Variants in DENND1A observed in about 807,000 individuals in gnomAD.
DENND1A encodes the protein DENN domain containing 1A, also known as DENN domain-containing protein 1A.
A neutral mutation model predicts 113.7 loss-of-function variants in DENND1A; 51 were observed. The observed-to-expected ratio is 0.45, with a 90% confidence interval of 0.36 to 0.57. The LOEUF is 0.57. Ranked by LOEUF, DENND1A falls within the 20% of genes least tolerant of loss-of-function variation. The probability of loss-of-function intolerance (pLI) is 0.00; values close to 1 mark genes in which losing one functional copy is unlikely to be tolerated. For synonymous variants in DENND1A, 565 were observed against 570.8 expected (o/e 0.99, Z 0.14); for missense variants, 1,258 against 1,395.9 (o/e 0.90, Z 1.57).
intron 5 of DENND1A, among the ~76,000 whole-genome samples, chr9:123,750,604 G>C (rs1038472602): frequency 6.6e-6 from 1 of 152,302 alleles, no homozygotes; most frequent in Non-Finnish European, 1.5e-5. Flanking sequence ...ACCATCCAGA[G>C]AATAACAAGA....
At chr9:123,442,287 G>A (rs563631693) in intron 18 of DENND1A, among the ~76,000 whole-genome samples, 75 of 152,298 alleles carry the variant, frequency 4.9e-4, no homozygotes, top group Non-Finnish European at 9.7e-4. Flanking sequence ...GGAGGGCTTG[G>A]ATCAGGTGGC....
At chr9:123,491,018 C>G (rs541543179) in intron 13 of DENND1A, among the ~76,000 whole-genome samples, 1 of 152,312 alleles carries the variant, frequency 6.6e-6, no homozygotes, top group South Asian at 2.1e-4. Context: ...CAATGATAAA[C>G]CAGAGCCTGG....
At chr9:123,870,271 T>C (rs1327643591) in intron 2 of DENND1A, among the ~76,000 whole-genome samples, 2 of 85,592 alleles carry the variant, frequency 2.3e-5, no homozygotes, top group East Asian at 2.3e-4. Context: ...ATTAATCAGC[T>C]TTTTTTTTTT....
chr9:123,414,397 A>T (rs2044554398), intron 19 of DENND1A: 1 of 1,432,912 alleles, frequency 7.0e-7, no homozygotes, highest in Admixed American at 3.0e-5. Context: ...GAGGACTTAA[A>T]AAAATGTCCA....
rs546398875 is a variant in DENND1A at position 123,674,342 on chromosome 9, T to TCACACACACACACA, written c.372+2364_372+2377dup. ...CTCTGTCTCTGTCTCTGTCTCTCTC[T>TCACACACACACACA]CACACACACACACACACACACACAC... On this transcript the variant is annotated intron_variant, in intron 6 of 23. Transcript: ENST00000394215. Among the ~76,000 whole-genome samples, 14 of 132,374 alleles carry TCACACACACACACA rather than the reference T, an allele frequency of 1.1e-4. 1 individual carries two copies. The East Asian group carries it at 1.4e-3, about 13-fold the overall frequency. 86.8% of individuals were successfully genotyped at this position (132,374 alleles called of 152,430 possible). A position where few individuals can be genotyped will look rare whatever the true frequency, so the allele number is the denominator to read the frequency against.
chr9:123,561,413 A>T (rs981939636), intron 12 of DENND1A, among the ~76,000 whole-genome samples: 1 of 152,110 alleles, frequency 6.6e-6, no homozygotes, highest in African/African-American at 2.4e-5. Context: ...ACTTCTGAAG[A>T]CCTCTTGTCA....
intron 13 of DENND1A, among the ~76,000 whole-genome samples, chr9:123,549,803 C>T (rs1424842382): frequency 6.6e-6 from 1 of 152,048 alleles, no homozygotes; most frequent in Non-Finnish European, 1.5e-5. Flanking sequence ...CCTATGTAAA[C>T]CCTTTGCATA....
chr9:123,503,551 A>G (rs2052669383), intron 13 of DENND1A, among the ~76,000 whole-genome samples: 2 of 152,228 alleles, frequency 1.3e-5, no homozygotes, highest in South Asian at 2.1e-4. Flanking sequence ...TCTTGAGCTC[A>G]TCGGACTCAC....
Position 123,557,557 on chromosome 9 carries a change from C to G in DENND1A, c.993+13G>C. The G allele has an allele frequency of 6.2e-7, 1 of 1,613,194 alleles. No homozygotes were observed. The highest frequency in any genetic ancestry group is 8.5e-7 in the Non-Finnish European group (1 of 1,179,648). On this transcript the variant is annotated intron_variant, in intron 13 of 23. Transcript: ENST00000394215. ...ACCAAACACAGGCTCTGTGACATGC[C>G]AAGGCTACTCACCGGCTCGATTTTC... is the stretch of plus-strand genomic sequence containing the variant.
intron 5 of DENND1A, among the ~76,000 whole-genome samples, chr9:123,747,824 G>A (rs117209659): frequency 0.019 from 2,870 of 152,032 alleles, 38 homozygotes; most frequent in Middle Eastern, 0.031. Flanking sequence ...AATAAAATAC[G>A]GAAACGTAAA....
At chr9:123,870,971 AT>A (rs1289864653) in intron 2 of DENND1A, among the ~76,000 whole-genome samples, 2 of 152,208 alleles carry the variant, frequency 1.3e-5, no homozygotes, top group African/African-American at 4.8e-5. Flanking sequence ...CTGAAAAAAA[AT>A]AAGATGAATT....
intron 2 of DENND1A, among the ~76,000 whole-genome samples, chr9:123,838,023 G>A (rs998090251): frequency 1.3e-5 from 2 of 152,202 alleles, no homozygotes; most frequent in African/African-American, 4.8e-5. Context: ...GGCTGTACCA[G>A]AACCAGAATT....
intron 19 of DENND1A, among the ~76,000 whole-genome samples, chr9:123,421,571 A>G (rs1005617117): frequency 2.0e-5 from 3 of 152,040 alleles, no homozygotes; most frequent in Non-Finnish European, 4.4e-5. Context: ...CCTGCATTTC[A>G]CCAGGCCCGT....
At chr9:123,886,512 G>A (rs759629966) in intron 1 of DENND1A, among the ~76,000 whole-genome samples, 11 of 152,164 alleles carry the variant, frequency 7.2e-5, no homozygotes, top group Non-Finnish European at 1.3e-4. Context: ...GAGGTGTACC[G>A]TTTAAAAATT....
intron 19 of DENND1A, chr9:123,413,345 C>T (rs547259462): frequency 2.3e-6 from 2 of 869,348 alleles, no homozygotes; most frequent in South Asian, 1.1e-4. Flanking sequence ...TCAATTTCAC[C>T]TGTTTATGTT....
chr9:123,485,620 G>GTGTGTGTGTGTGCGCCCA (rs1491010557), intron 13 of DENND1A: 4 of 146,830 alleles, frequency 2.7e-5, no homozygotes, highest in South Asian at 2.2e-4. Context: ...AGGGGACACC[G>GTGTGTGTGTGTGCGCCCA]TGTGTGTGTG....
chr9:123,708,309 T>C (rs2066361600), intron 5 of DENND1A, among the ~76,000 whole-genome samples: 1 of 152,176 alleles, frequency 6.6e-6, no homozygotes, highest in African/African-American at 2.4e-5. Flanking sequence ...AAAGAATATA[T>C]GTAATAATTA....
At chr9:123,785,352 A>C (rs1301235769) in intron 3 of DENND1A, among the ~76,000 whole-genome samples, 4 of 152,044 alleles carry the variant, frequency 2.6e-5, no homozygotes, top group African/African-American at 4.8e-5. Context: ...ATGAGACCCC[A>C]ACTCTAAAAC....
At chr9:123,618,576 C>T (rs890003181) in intron 10 of DENND1A, among the ~76,000 whole-genome samples, 1 of 152,118 alleles carries the variant, frequency 6.6e-6, no homozygotes, top group African/African-American at 2.4e-5. Flanking sequence ...AAGGTGGGAG[C>T]GGCAGGGCAG....
Sources: allele counts gnomAD v4.1 joint callset (sites outside exome capture counted in the v4.1 genomes callset), GRCh38; gene constraint gnomAD v4.1.1; transcripts MANE v1.5; gene names NCBI Gene and HGNC (gene_info 2026-07-23, HGNC 2026-07-21).